GMDS: variants seen among roughly 807,000 people sequenced by gnomAD.
GMDS encodes the protein GDP-mannose 4,6 dehydratase.
Under a neutral mutation model 49.9 loss-of-function variants are expected in GMDS, and 20 were observed. The observed-to-expected ratio is 0.40, with a 90% CI of 0.28 to 0.58. GMDS has a LOEUF of 0.58. GMDS is among the 20% of genes least tolerant of loss of function. GMDS has a pLI of 0.42. For missense variants in GMDS, 362 were observed against 481.4 expected, an observed-to-expected ratio of 0.75 and a Z score of 2.32; for synonymous variants, 177 against 178.6, an observed-to-expected ratio of 0.99 and a Z score of 0.07.
chr6:1,744,713 G>C (rs1304544377), intron 7 of GMDS, among the ~76,000 whole-genome samples: 1 of 152,232 alleles, frequency 6.6e-6, no homozygotes, highest in African/African-American at 2.4e-5. Context: ...CAGAGGCCTA[G>C]TGAGCAGCTG....
intron 4 of GMDS, among the ~76,000 whole-genome samples, chr6:2,067,948 C>T (rs1202775330): frequency 1.3e-5 from 2 of 151,494 alleles, no homozygotes; most frequent in East Asian, 1.9e-4. Context: ...CAAAGCCGGG[C>T]AGAGACACAA....
At chr6:2,001,959 C>A (rs934372758) in intron 4 of GMDS, among the ~76,000 whole-genome samples, 4 of 152,146 alleles carry the variant, frequency 2.6e-5, no homozygotes, top group Non-Finnish European at 5.9e-5. Flanking sequence ...GCCACCAATT[C>A]CTTTTACTGT....
intron 1 of GMDS, among the ~76,000 whole-genome samples, chr6:2,188,917 A>G (rs1778895852): frequency 6.6e-6 from 1 of 152,214 alleles, no homozygotes; most frequent in Non-Finnish European, 1.5e-5. Flanking sequence ...AACACTCAAC[A>G]GCCCACTATG....
intron 1 of GMDS, among the ~76,000 whole-genome samples, chr6:2,201,696 G>A (rs1779542376): frequency 8.7e-6 from 1 of 115,386 alleles, no homozygotes; most frequent in African/African-American, 3.3e-5. Context: ...AGCACCACAT[G>A]GGCATCCGAG....
At chr6:1,945,793 T>C (rs762248056) in intron 6 of GMDS, among the ~76,000 whole-genome samples, 21 of 152,130 alleles carry the variant, frequency 1.4e-4, no homozygotes, top group Non-Finnish European at 2.6e-4. Context: ...TTCAAATCAC[T>C]CAGGAACAAA....
intron 6 of GMDS, chr6:1,951,955 T>A: frequency 1.0e-6 from 1 of 984,134 alleles, no homozygotes. Flanking sequence ...CCACTCAGTG[T>A]CACAGGGGTT....
At chr6:2,206,221 G>A (rs917845378) in intron 1 of GMDS, among the ~76,000 whole-genome samples, 2 of 151,870 alleles carry the variant, frequency 1.3e-5, no homozygotes, top group Non-Finnish European at 2.9e-5. Flanking sequence ...TCACACCATT[G>A]CACTCCAACC....
intron 7 of GMDS, among the ~76,000 whole-genome samples, chr6:1,889,787 C>G (rs1345166431): frequency 6.6e-6 from 1 of 152,144 alleles, no homozygotes. Flanking sequence ...TGGTACCTAG[C>G]CCACGGCAAC....
chr6:2,112,947 C>T (rs1432350845), intron 4 of GMDS, among the ~76,000 whole-genome samples: 1 of 152,110 alleles, frequency 6.6e-6, no homozygotes, highest in Non-Finnish European at 1.5e-5. Context: ...CAGTCCTCTA[C>T]CCGTCTTTCT....
chr6:1,743,607 G>A (rs922072895), intron 7 of GMDS, among the ~76,000 whole-genome samples: 1 of 152,008 alleles, frequency 6.6e-6, no homozygotes, highest in African/African-American at 2.4e-5. Flanking sequence ...CAGGAGTCTG[G>A]TGGGCAAAAA....
chr6:2,115,245 C>T (rs1359037420), intron 4 of GMDS, among the ~76,000 whole-genome samples: 3 of 152,216 alleles, frequency 2.0e-5, no homozygotes, highest in Non-Finnish European at 2.9e-5. Context: ...AAAATCCACA[C>T]TGGCTATATC....
intron 9 of GMDS, among the ~76,000 whole-genome samples, chr6:1,630,913 G>T (rs1044350869): frequency 6.6e-6 from 1 of 151,954 alleles, no homozygotes; most frequent in Non-Finnish European, 1.5e-5. Flanking sequence ...TGATGCGGGG[G>T]CCATTTAATG....
chr6:2,187,318 G>C (rs1412206112), intron 1 of GMDS, among the ~76,000 whole-genome samples: 1 of 152,194 alleles, frequency 6.6e-6, no homozygotes, highest in African/African-American at 2.4e-5. Context: ...TGGGAAGTAC[G>C]TTTCCTTCTT....
At chr6:1,637,486 G>T (rs1298103760) in intron 9 of GMDS, among the ~76,000 whole-genome samples, 3 of 152,344 alleles carry the variant, frequency 2.0e-5, no homozygotes, top group African/African-American at 7.2e-5. Context: ...GCCAAGTCAG[G>T]CTCTCTGGGT....
intron 4 of GMDS, among the ~76,000 whole-genome samples, chr6:2,008,154 G>A (rs752042839): frequency 2.0e-5 from 3 of 152,034 alleles, no homozygotes; most frequent in African/African-American, 4.8e-5. Flanking sequence ...ATATAAGTAG[G>A]TTAAAAATCA....
chr6:2,162,078 T>C (rs1777430610), intron 1 of GMDS, among the ~76,000 whole-genome samples: 1 of 152,222 alleles, frequency 6.6e-6, no homozygotes, highest in South Asian at 2.1e-4. Flanking sequence ...GGAAATTGTC[T>C]ATGCTTGATA....
chr6:2,138,803 A>C (rs186456547), intron 1 of GMDS, among the ~76,000 whole-genome samples: 97 of 152,300 alleles, frequency 6.4e-4, no homozygotes, highest in Middle Eastern at 3.4e-3. Flanking sequence ...CTTCTCATCA[A>C]ATCTACCACA....
intron 7 of GMDS, among the ~76,000 whole-genome samples, chr6:1,747,424 T>C (rs1001104306): frequency 6.7e-6 from 1 of 150,274 alleles, no homozygotes; most frequent in African/African-American, 2.4e-5. Flanking sequence ...GGTGCTTTTG[T>C]GCTTTACGTG....
At chr6:2,198,122 C>T (rs2127574006) in intron 1 of GMDS, among the ~76,000 whole-genome samples, 1 of 152,316 alleles carries the variant, frequency 6.6e-6, no homozygotes, top group African/African-American at 2.4e-5. Context: ...CTAAAATAAG[C>T]AGCCACTGGA....
Sources: allele counts gnomAD v4.1 joint callset (sites outside exome capture counted in the v4.1 genomes callset), GRCh38; gene constraint gnomAD v4.1.1; transcripts MANE v1.5; gene names NCBI Gene and HGNC (gene_info 2026-07-23, HGNC 2026-07-21).